CD226: variants seen among roughly 807,000 people sequenced by gnomAD.
The protein encoded by CD226 is CD226 antigen.
Under a neutral mutation model 34.9 loss-of-function variants are expected in CD226, and 24 were observed. The observed-to-expected ratio is 0.69, with a 90% CI of 0.50 to 0.97. CD226 has a LOEUF of 0.97. Among genes scored for constraint, CD226 ranks in the 50% least tolerant of loss-of-function variants. The probability of loss-of-function intolerance (pLI) is 0.00; values close to 1 mark genes in which losing one functional copy is unlikely to be tolerated. For synonymous variants in CD226, 148 were observed against 147.4 expected, an observed-to-expected ratio of 1.00 and a Z score of -0.03; for missense variants, 397 against 412.7, an observed-to-expected ratio of 0.96 and a Z score of 0.33.
rs1480336625 is a variant in CD226, at chr18:69,947,629, C to G, written c.-223G>C. 1.6e-5 allele frequency: 6 copies of G among 384,930 alleles called. No individual in the cohort carries two copies. The allele number at this position is 384,930 out of a possible 1,614,324, so 23.8% of individuals were successfully genotyped here. On this transcript the variant is annotated 5_prime_UTR_variant, in exon 1 of 6. Coordinates refer to ENST00000582621, the MANE Select transcript of CD226 (RefSeq NM_001303618.2). ...TTGAGTTTCTTCTCTCTCGGGGAAC[C>G]AGTCGGCTTATTTTCGGGCTTTCAT...
chr18:69,872,090 G>GTGTGTGTGTGTT (rs57236296), intron 4 of CD226, among the ~76,000 whole-genome samples: 1 of 149,418 alleles, frequency 6.7e-6, no homozygotes, highest in Non-Finnish European at 1.5e-5. Flanking sequence ...GTGTGTGTGT[G>GTGTGTGTGTGTT]GTGCATTTGG....
intron 3 of CD226, among the ~76,000 whole-genome samples, chr18:69,885,260 T>TGA (rs554148758): frequency 1.9e-3 from 287 of 152,280 alleles, no homozygotes; most frequent in East Asian, 9.7e-4. Context: ...TACATAAACA[T>TGA]GAGAGAACAT....
At chr18:69,927,572 C>G (rs1348011346) in intron 2 of CD226, among the ~76,000 whole-genome samples, 1 of 152,156 alleles carries the variant, frequency 6.6e-6, no homozygotes, top group Non-Finnish European at 1.5e-5. Context: ...TACCATTCCA[C>G]TTTCTGAATC....
Position 69,896,021 on chromosome 18 carries a change from G to T in CD226, c.407C>A (p.Ser136Ter). The change falls in exon 3 of 6, where the codon TCA becomes TAA. Residue 136 changes from serine to a stop codon, truncating the protein, a stop_gained. Transcript: ENST00000582621. LOFTEE classifies it high-confidence loss of function. ...AGGTTCCGAAACAATGTGGCTATTT[G>T]ATGGCACAGCTGCCTCAAAACTATC... ...QSDSFEAAVP[S>*]NSHIVSEPGK... 4 of 1,610,936 alleles carry T rather than the reference G, an allele frequency of 2.5e-6. No homozygotes were observed. The highest frequency in any genetic ancestry group is 3.4e-6 in the Non-Finnish European group (4 of 1,179,264).
chr18:69,884,869 G>A (rs1350865879), intron 3 of CD226, among the ~76,000 whole-genome samples: 1 of 152,162 alleles, frequency 6.6e-6, no homozygotes, highest in Non-Finnish European at 1.5e-5. Context: ...GTATCTACTT[G>A]GCTGTATGAG....
intron 2 of CD226, among the ~76,000 whole-genome samples, chr18:69,900,940 T>C (rs1277854022): frequency 6.6e-6 from 1 of 152,178 alleles, no homozygotes; most frequent in Non-Finnish European, 1.5e-5. Flanking sequence ...TTGAGAGTTC[T>C]AGGCAACAAT....
chr18:69,940,992 CG>C (rs1437456960), intron 2 of CD226, among the ~76,000 whole-genome samples: 2 of 152,194 alleles, frequency 1.3e-5, no homozygotes, highest in Non-Finnish European at 2.9e-5. Flanking sequence ...GTCCCAGCCA[CG>C]GCTAAAAGGG....
At position 69,908,230 on chromosome 18, in the gene CD226, TG is replaced by T. The variant is rs201049187; in HGVS notation, c.383-12186del. ...GTTTTCTATTTCTGTGGCTATGTCTTGCTTTTCTCAGTTATGCCAAGCTCCT... is the reference window on the plus strand; with the variant it reads ...GTTTTCTATTTCTGTGGCTATGTCTTCTTTTCTCAGTTATGCCAAGCTCCT... On this transcript the variant is annotated intron_variant, in intron 2 of 5. Transcript: ENST00000582621. 1.2e-3 allele frequency among the ~76,000 whole-genome samples: 188 copies of T among 152,372 alleles called. No individual in the cohort carries two copies. In the East Asian group the frequency reaches 0.029, roughly 23 times the overall value.
At position 69,905,131 on chromosome 18, in the gene CD226, C is replaced by T. The variant is rs564608443; in HGVS notation, c.383-9086G>A. On this transcript the variant is annotated intron_variant, in intron 2 of 5. Coordinates refer to ENST00000582621, the MANE Select transcript of CD226 (RefSeq NM_001303618.2). ...GCAGGACATTCTTACCTAGGCAGGG[C>T]GTCTAGGGAGCCAGTCTCAAACCAG... 5.3e-5 allele frequency among the ~76,000 whole-genome samples: 8 copies of T among 152,256 alleles called. No homozygotes were observed. In the South Asian group the frequency reaches 1.2e-3, roughly 24 times the overall value.
chr18:69,857,770 T>C lies in CD226; in HGVS notation c.*6544A>G, dbSNP rs1173218657. The C allele has an allele frequency of 6.6e-6, 1 of 152,180 alleles. No individual in the cohort carries two copies. The highest frequency in any genetic ancestry group is 6.5e-5 in the Admixed American group (1 of 15,272). 9.4% of individuals were successfully genotyped at this position (152,180 alleles called of 1,614,324 possible). On this transcript the variant is annotated 3_prime_UTR_variant, in exon 6 of 6. Transcript: ENST00000582621. ...TAGTCTAGAAAGGGCCTCCACTTAT[T>C]TGACCACAGGTAGAAGATTGGCTCT...
chr18:69,894,786 T>C (rs1040566497), intron 3 of CD226, among the ~76,000 whole-genome samples: 2 of 151,856 alleles, frequency 1.3e-5, no homozygotes, highest in African/African-American at 4.8e-5. Flanking sequence ...CTCTCAACTG[T>C]AATGCAGGCC....
chr18:69,910,938 A>C (rs1421287437), intron 2 of CD226, among the ~76,000 whole-genome samples: 1 of 152,188 alleles, frequency 6.6e-6, no homozygotes, highest in Non-Finnish European at 1.5e-5. Flanking sequence ...GTACAAGGCA[A>C]TGGAGTAAAC....
intron 2 of CD226, among the ~76,000 whole-genome samples, chr18:69,908,616 C>T (rs1028580552): frequency 7.0e-6 from 1 of 143,368 alleles, no homozygotes; most frequent in South Asian, 2.1e-4. Flanking sequence ...TAATTGTAGC[C>T]CCTTTTCCCT....
At position 69,864,153 on chromosome 18, in the gene CD226, T is replaced by C. The variant is rs542135604; in HGVS notation, c.*161A>G. ...AGTCAGGTTTTCTGAAACAGTTCTA[T>C]GAAAAATGATTTTAGGTAATGAAGT... On this transcript the variant is annotated 3_prime_UTR_variant, in exon 6 of 6. Coordinates refer to ENST00000582621, the MANE Select transcript of CD226 (RefSeq NM_001303618.2). The C allele has an allele frequency of 1.0e-4, 65 of 629,148 alleles. 2 individuals are homozygous for C. Among genetic ancestry groups the C allele is most frequent in the East Asian group, 7.9e-4 (28 of 35,462 alleles). 39.0% of individuals were successfully genotyped at this position (629,148 alleles called of 1,614,324 possible).
chr18:69,905,553 G>A (rs2055242427), intron 2 of CD226, among the ~76,000 whole-genome samples: 2 of 152,192 alleles, frequency 1.3e-5, no homozygotes, highest in African/African-American at 2.4e-5. Flanking sequence ...GAGTGGAAGT[G>A]CGGGATTGGT....
intron 2 of CD226, among the ~76,000 whole-genome samples, chr18:69,896,584 A>G (rs1985317756): frequency 6.6e-6 from 1 of 152,224 alleles, no homozygotes. Flanking sequence ...GTTCACACAT[A>G]GTTCCATAAG....
chr18:69,936,209 A>G (rs936535307), intron 2 of CD226, among the ~76,000 whole-genome samples: 1 of 134,400 alleles, frequency 7.4e-6, no homozygotes, highest in African/African-American at 2.6e-5. Context: ...ATCTGGCTTT[A>G]GAGAGTTTTT....
intron 2 of CD226, among the ~76,000 whole-genome samples, chr18:69,935,547 C>T (rs538836589): frequency 1.1e-4 from 17 of 152,326 alleles, no homozygotes; most frequent in South Asian, 2.1e-4. Flanking sequence ...ACAGTCCCCA[C>T]GCTGCATTGG....
intron 3 of CD226, among the ~76,000 whole-genome samples, chr18:69,893,811 A>ATGTG (rs1281245663): frequency 2.6e-5 from 4 of 152,222 alleles, no homozygotes; most frequent in Admixed American, 2.6e-4. Flanking sequence ...GGGAGGCTTG[A>ATGTG]TGTGGTCCAA....
Sources: gnomAD v4.1 joint callset for allele counts (sites outside exome capture counted in the v4.1 genomes callset) on GRCh38, gnomAD v4.1.1 for gene constraint, MANE v1.5 for transcripts, NCBI Gene and HGNC (gene_info 2026-07-23, HGNC 2026-07-21) for gene names.